The following RTN4 variants were observed in gnomAD, a reference collection of about 807,000 sequenced individuals.
RTN4 encodes reticulon 4, also known as reticulon-4.
RTN4 carries 32 observed loss-of-function variants against 90.4 expected under a neutral mutation model. The ratio of observed to expected loss-of-function variants is 0.35; its 90% CI spans 0.27 to 0.48. The LOEUF (loss-of-function observed/expected upper bound fraction) is 0.48. Ranked by LOEUF, RTN4 falls within the 20% of genes least tolerant of loss-of-function variation. RTN4 has a pLI of 0.99. For missense variants in RTN4, 1,706 were observed against 1,430.2 expected, an observed-to-expected ratio of 1.19 and a Z score of -3.11; for synonymous variants, 629 against 552.5, an observed-to-expected ratio of 1.14 and a Z score of -1.94.
At chr2:55,059,651 T>TAAACCA (rs1668254705) in intron 2 of RTN4, among the ~76,000 whole-genome samples, 2 of 151,782 alleles carry the variant, frequency 1.3e-5, no homozygotes, top group Non-Finnish European at 2.9e-5. Flanking sequence ...CTGGCCAACA[T>TAAACCA]GGTGAAACCC....
intron 1 of RTN4, among the ~76,000 whole-genome samples, chr2:55,032,603 T>TAACAAC (rs1682397050): frequency 6.6e-6 from 1 of 151,416 alleles, no homozygotes; most frequent in East Asian, 1.9e-4. Flanking sequence ...TAAACAAACT[T>TAACAAC]AAAAAACAAC....
At chr2:55,035,348 A>T (rs930808525) in intron 1 of RTN4, among the ~76,000 whole-genome samples, 4 of 152,190 alleles carry the variant, frequency 2.6e-5, no homozygotes, top group Admixed American at 6.5e-5. Flanking sequence ...CACCTAAAAT[A>T]TCCTCAAATG....
intron 2 of RTN4, among the ~76,000 whole-genome samples, chr2:55,066,184 T>A (rs1408356951): frequency 1.0e-5 from 1 of 98,886 alleles, no homozygotes; most frequent in Non-Finnish European, 2.1e-5. Context: ...TGTGTGTGTG[T>A]GTGTGTGTTT....
chr2:55,053,759 G>A (rs967927790), upstream of RTN4, among the ~76,000 whole-genome samples: 1 of 151,892 alleles, frequency 6.6e-6, no homozygotes, highest in Non-Finnish European at 1.5e-5. Flanking sequence ...AAAGTTTTCA[G>A]ATACCACTGG....
At chr2:55,068,674 A>G (rs1668435810) in intron 2 of RTN4, among the ~76,000 whole-genome samples, 1 of 89,440 alleles carries the variant, frequency 1.1e-5, no homozygotes, top group Admixed American at 1.6e-4. Flanking sequence ...CTCTACAAAA[A>G]AAAAGGGGGG....
At position 55,026,783 on chromosome 2, in the gene RTN4, T is replaced by C; in HGVS notation, c.1316A>G (p.Glu439Gly). 6.2e-7 allele frequency: 1 copy of C among 1,614,008 alleles called. No homozygotes were observed. The highest frequency in any genetic ancestry group is 8.5e-7 in the Non-Finnish European group (1 of 1,179,920). ...LEQTNHEKDS[E>G]SSNDDTSFPS... is the part of the protein sequence containing the mutation. ...GAAAGAAGTATCATCATTACTACTCTCACTATCTTTTTCGTGATTAGTTTG... is the reference window on the plus strand; with the variant it reads ...GAAAGAAGTATCATCATTACTACTCCCACTATCTTTTTCGTGATTAGTTTG... Residue 439 changes from glutamate (E) to glycine (G), a missense_variant, in exon 3 of 9, where the codon GAG becomes GGG. By Grantham distance (98) the Glu-to-Gly change is moderately conservative (BLOSUM62 -2). Transcript: ENST00000337526.
At chr2:55,042,874 G>C (rs527946745) in intron 1 of RTN4, among the ~76,000 whole-genome samples, 33 of 152,258 alleles carry the variant, frequency 2.2e-4, no homozygotes, top group African/African-American at 7.9e-4. Context: ...CTGTCTGGTG[G>C]AGGAAAGAAA....
chr2:55,114,517 G>T (rs1184486613), upstream of RTN4, among the ~76,000 whole-genome samples: 1 of 152,134 alleles, frequency 6.6e-6, no homozygotes, highest in African/African-American at 2.4e-5. Flanking sequence ...TGGCTGACAT[G>T]GTGAAACCCC....
At chr2:54,998,120 G>A (rs909116960) in intron 3 of RTN4, among the ~76,000 whole-genome samples, 17 of 151,878 alleles carry the variant, frequency 1.1e-4, no homozygotes, top group African/African-American at 3.9e-4. Flanking sequence ...TTTATATGAA[G>A]TGCCTTGAAT....
chr2:55,085,000 A>T (rs1668809997), intron 1 of RTN4, among the ~76,000 whole-genome samples: 1 of 152,170 alleles, frequency 6.6e-6, no homozygotes, highest in African/African-American at 2.4e-5. Context: ...TATGTTGCCC[A>T]GGCTGGTCTT....
intron 3 of RTN4, among the ~76,000 whole-genome samples, chr2:55,000,322 C>G (rs546641583): frequency 2.0e-4 from 30 of 152,036 alleles, no homozygotes; most frequent in Non-Finnish European, 3.4e-4. Flanking sequence ...TCTCCTCTTC[C>G]TTTAACTAGA....
chr2:55,050,399 G>A lies in RTN4; in HGVS notation c.-99C>T. ...GTGGGGGTTGGGGAGGACTGAGAGGGGCTGGGCCGACTGAGCCGAGGGACC... is the reference window on the plus strand; with the variant it reads ...GTGGGGGTTGGGGAGGACTGAGAGGAGCTGGGCCGACTGAGCCGAGGGACC... On this transcript the variant is annotated 5_prime_UTR_variant, in exon 1 of 9. Transcript: ENST00000337526. The surrounding 1 kb of genome is among the most constrained non-coding windows in gnomAD (Gnocchi z 4.6). The A allele has an allele frequency of 1.5e-6, 1 of 671,428 alleles. No homozygotes were observed. The allele number at this position is 671,428 out of a possible 1,614,324, so 41.6% of individuals were successfully genotyped here. A position where few individuals can be genotyped will look rare whatever the true frequency, so the allele number is the denominator to read the frequency against.
At chr2:55,081,325 C>G (rs773950985) in intron 1 of RTN4, among the ~76,000 whole-genome samples, 1 of 152,122 alleles carries the variant, frequency 6.6e-6, no homozygotes, top group Non-Finnish European at 1.5e-5. Context: ...GATCCTCCTT[C>G]GTCAGACTCC....
chr2:55,125,916 C>T, the RTN4 span, among the ~76,000 whole-genome samples: 1 of 151,884 alleles, frequency 6.6e-6, no homozygotes, highest in South Asian at 2.1e-4. Flanking sequence ...AAAAAATTAG[C>T]CAGGCATGGC....
At chr2:55,072,074 A>C (rs1668523000) in intron 2 of RTN4, among the ~76,000 whole-genome samples, 1 of 152,166 alleles carries the variant, frequency 6.6e-6, no homozygotes, top group African/African-American at 2.4e-5. Context: ...CCAAATCATT[A>C]AGATGTCCTT....
At chr2:55,107,156 C>T (rs1279754582) in intron 1 of RTN4, among the ~76,000 whole-genome samples, 6 of 151,062 alleles carry the variant, frequency 4.0e-5, no homozygotes, top group African/African-American at 1.5e-4. Flanking sequence ...TATGAAGTGC[C>T]CAGATTCTCA....
chr2:55,070,922 GC>G (rs1469492655), intron 2 of RTN4, among the ~76,000 whole-genome samples: 2 of 151,728 alleles, frequency 1.3e-5, no homozygotes, highest in Admixed American at 6.6e-5. Context: ...GACTACAGGT[GC>G]CCACCACCAC....
chr2:55,109,471 C>T (rs761527593), intron 1 of RTN4, among the ~76,000 whole-genome samples: 20 of 152,102 alleles, frequency 1.3e-4, no homozygotes, highest in Non-Finnish European at 2.8e-4. Flanking sequence ...TACAGTATCA[C>T]GTAGCTAGGT....
At chr2:55,008,853 T>C (rs1345472544) in intron 3 of RTN4, among the ~76,000 whole-genome samples, 1 of 152,176 alleles carries the variant, frequency 6.6e-6, no homozygotes, top group East Asian at 1.9e-4. Flanking sequence ...ATTTGTATCA[T>C]TTTCACTTAG....
Sources: allele counts gnomAD v4.1 joint callset (sites outside exome capture counted in the v4.1 genomes callset), GRCh38; gene constraint gnomAD v4.1.1; non-coding constraint Gnocchi (gnomAD v3.1); transcripts MANE v1.5; gene names NCBI Gene and HGNC (gene_info 2026-07-23, HGNC 2026-07-21).